The following ARHGEF38 variants were observed in gnomAD, a reference collection of about 807,000 sequenced individuals.
ARHGEF38 encodes the protein Rho guanine nucleotide exchange factor (GEF) 38.
In ARHGEF38, 79 loss-of-function variants were observed where a neutral mutation model predicts 79.9. That is an observed-to-expected ratio of 0.99 (90% confidence interval 0.82 to 1.19). ARHGEF38 has a LOEUF of 1.19. Among genes scored for constraint, ARHGEF38 ranks in the 50% most tolerant of loss-of-function variants. The probability of loss-of-function intolerance (pLI) is 0.00; values close to 1 mark genes in which losing one functional copy is unlikely to be tolerated. For missense variants in ARHGEF38, 962 were observed against 907.2 expected (o/e 1.06, Z -0.78); for synonymous variants, 366 against 328.3 (o/e 1.11, Z -1.24).
chr4:105,669,644 C>A (rs1217212485), intron 13 of ARHGEF38, among the ~76,000 whole-genome samples: 3 of 151,534 alleles, frequency 2.0e-5, no homozygotes, highest in Non-Finnish European at 4.4e-5. Context: ...TATAATTAAT[C>A]CATTTTTAAG....
chr4:105,631,994 C>G (rs1353368928), intron 4 of ARHGEF38, among the ~76,000 whole-genome samples: 1 of 152,062 alleles, frequency 6.6e-6, no homozygotes, highest in Non-Finnish European at 1.5e-5. Flanking sequence ...ACACCTCCCC[C>G]GTTTACTCTG....
At chr4:105,667,784 C>A in intron 13 of ARHGEF38, 81 bp downstream of exon 13, 2 of 1,466,284 alleles carry the variant, frequency 1.4e-6, no homozygotes, top group Admixed American at 2.2e-5. Flanking sequence ...TACTGTAACA[C>A]TTGGTGGAAA....
intron 13 of ARHGEF38, among the ~76,000 whole-genome samples, chr4:105,674,917 C>A (rs1731067784): frequency 6.6e-6 from 1 of 151,986 alleles, no homozygotes; most frequent in Non-Finnish European, 1.5e-5. Context: ...CTAAAAAAAT[C>A]TATAGTTGCA....
chr4:105,567,962 G>A (rs1435473802), intron 1 of ARHGEF38, among the ~76,000 whole-genome samples: 1 of 127,514 alleles, frequency 7.8e-6, no homozygotes, highest in Non-Finnish European at 1.6e-5. Flanking sequence ...TCCCCAGAGT[G>A]TGATGTTCCC....
At chr4:105,567,777 T>G (rs1361337639) in intron 1 of ARHGEF38, among the ~76,000 whole-genome samples, 2 of 151,408 alleles carry the variant, frequency 1.3e-5, no homozygotes, top group Non-Finnish European at 1.5e-5. Context: ...AGATATAAGG[T>G]TTTTTTTTCT....
rs372990403 is a variant in ARHGEF38, at chr4:105,618,244, TA to T, written c.508+4738del. 5.6e-3 allele frequency among the ~76,000 whole-genome samples: 853 copies of T among 152,362 alleles called. 7 individuals are homozygous for T. Among genetic ancestry groups the T allele is most frequent in the African/African-American group, 0.02 (825 of 41,584 alleles). ...TTCAGTAGTAAAATAAATATGCTGA[TA>T]TTGAATTATAACCCACAGAAATATC... On this transcript the variant is annotated intron_variant, in intron 3 of 13. Coordinates refer to ENST00000420470, the MANE Select transcript of ARHGEF38 (RefSeq NM_001242729.2).
At chr4:105,610,267 A>G (rs1187445480) in intron 2 of ARHGEF38, among the ~76,000 whole-genome samples, 2 of 151,762 alleles carry the variant, frequency 1.3e-5, no homozygotes, top group African/African-American at 4.8e-5. Context: ...GCAAACCACC[A>G]TGGCACATGT....
intron 1 of ARHGEF38, among the ~76,000 whole-genome samples, chr4:105,559,642 A>G (rs1036534019): frequency 1.3e-5 from 2 of 152,156 alleles, no homozygotes; most frequent in African/African-American, 4.8e-5. Flanking sequence ...GAAATATCAC[A>G]TTTTATTTAA....
intron 1 of ARHGEF38, among the ~76,000 whole-genome samples, chr4:105,562,722 AT>A (rs1415848816): frequency 3.3e-5 from 5 of 152,318 alleles, no homozygotes; most frequent in African/African-American, 1.2e-4. Flanking sequence ...TTGTGAACAA[AT>A]TATTGCAGTA....
rs140964351 is a variant in ARHGEF38, at chr4:105,661,474, TTTATTATTATTATTA to T, written c.1545+2139_1545+2153del. 9.5e-4 allele frequency among the ~76,000 whole-genome samples: 134 copies of T among 141,784 alleles called. 1 individual carries two copies. The highest frequency in any genetic ancestry group is 9.0e-3 in the South Asian group (39 of 4,342). The allele number at this position is 141,784 out of a possible 152,430, so 93.0% of individuals were successfully genotyped here. A position where few individuals can be genotyped will look rare whatever the true frequency, so the allele number is the denominator to read the frequency against. On this transcript the variant is annotated intron_variant, in intron 10 of 13. Transcript: ENST00000420470. ...GAGAGTTTCAATTTCTCCACACCTC[TTTATTATTATTATTA>T]TTATTATTATTATTATTATTATTAT...
chr4:105,561,013 A>G (rs1249554681), intron 1 of ARHGEF38, among the ~76,000 whole-genome samples: 4 of 152,242 alleles, frequency 2.6e-5, no homozygotes, highest in African/African-American at 9.6e-5. Context: ...AATTTACTAT[A>G]TTTAGCTGCT....
At chr4:105,618,524 G>A (rs1465522172) in intron 3 of ARHGEF38, among the ~76,000 whole-genome samples, 1 of 152,190 alleles carries the variant, frequency 6.6e-6, no homozygotes, top group East Asian at 1.9e-4. Flanking sequence ...AGGAGGCTGA[G>A]GCAGGAGAAT....
chr4:105,579,307 C>G (rs962406698), intron 1 of ARHGEF38, among the ~76,000 whole-genome samples: 6 of 152,068 alleles, frequency 3.9e-5, no homozygotes, highest in Non-Finnish European at 7.4e-5. Flanking sequence ...TTGTCTTGTG[C>G]CAGTTTTTAA....
chr4:105,652,834 C>T (rs1730161601), intron 7 of ARHGEF38, among the ~76,000 whole-genome samples: 1 of 152,118 alleles, frequency 6.6e-6, no homozygotes, highest in Non-Finnish European at 1.5e-5. Flanking sequence ...AACTCTGCTG[C>T]CTATTTAATC....
intron 13 of ARHGEF38, among the ~76,000 whole-genome samples, chr4:105,669,838 C>G (rs1730899723): frequency 6.6e-6 from 1 of 152,188 alleles, no homozygotes; most frequent in Non-Finnish European, 1.5e-5. Flanking sequence ...AACCTACTTT[C>G]TGTCTCCATA....
chr4:105,599,190 T>C (rs1473928591), intron 2 of ARHGEF38, among the ~76,000 whole-genome samples: 1 of 152,276 alleles, frequency 6.6e-6, no homozygotes, highest in African/African-American at 2.4e-5. Context: ...CTCAAAAAAA[T>C]GAGGCATTCA....
intron 2 of ARHGEF38, among the ~76,000 whole-genome samples, chr4:105,591,612 T>G (rs1273724180): frequency 6.6e-6 from 1 of 152,160 alleles, no homozygotes; most frequent in African/African-American, 2.4e-5. Context: ...ACAAAAATTG[T>G]TTTTTGGTCT....
rs1443312872 is a variant in ARHGEF38, at chr4:105,679,649, C to T, written c.*1712C>T. On this transcript the variant is annotated 3_prime_UTR_variant, in exon 14 of 14. Transcript: ENST00000420470. ...GAAATGGAAGCCAGAGACCTTATGG[C>T]ATCCATGCTTTTAAATTTAACTAAA... The T allele has an allele frequency of 4.3e-5, 34 of 798,982 alleles. No homozygotes were observed. The highest frequency in any genetic ancestry group is 1.1e-5 in the Non-Finnish European group (5 of 441,364). The allele number at this position is 798,982 out of a possible 1,614,324, so 49.5% of individuals were successfully genotyped here.
chr4:105,657,699 A>G (rs1730395559), intron 9 of ARHGEF38, among the ~76,000 whole-genome samples: 1 of 152,142 alleles, frequency 6.6e-6, no homozygotes, highest in Non-Finnish European at 1.5e-5. Context: ...TTGTTTATCA[A>G]GGGACTCATT....
Sources: allele counts gnomAD v4.1 joint callset (sites outside exome capture counted in the v4.1 genomes callset), GRCh38; gene constraint gnomAD v4.1.1; transcripts MANE v1.5; gene names NCBI Gene and HGNC (gene_info 2026-07-23, HGNC 2026-07-21).